RFX7: variants seen among roughly 807,000 people sequenced by gnomAD.
The protein encoded by RFX7 is DNA-binding protein RFX7.
In RFX7, 26 loss-of-function variants were observed where a neutral mutation model predicts 111.8. The observed-to-expected ratio is 0.23, with a 90% CI of 0.17 to 0.32. The LOEUF (loss-of-function observed/expected upper bound fraction) is 0.32, where lower values mean the gene tolerates loss of function less well. Ranked by LOEUF, RFX7 falls within the 10% of genes least tolerant of loss-of-function variation. The pLI is 1.00. For missense variants in RFX7, 1,573 were observed against 1,772.9 expected (o/e 0.89, Z 2.02); for synonymous variants, 624 against 624.4 (o/e 1.00, Z 0.01).
At chr15:56,171,782 T>C (rs2042847572) in intron 3 of RFX7, among the ~76,000 whole-genome samples, 1 of 152,174 alleles carries the variant, frequency 6.6e-6, no homozygotes, top group Non-Finnish European at 1.5e-5. Flanking sequence ...AGTTTGGCTC[T>C]GGAAAAGTTG....
rs776450590 is a variant in RFX7, at chr15:56,094,711, T to C, written c.3017A>G (p.His1006Arg). 1 of 1,613,918 alleles carries C rather than the reference T, an allele frequency of 6.2e-7. No homozygotes were observed. Among genetic ancestry groups the C allele is most frequent in the South Asian group, 1.1e-5 (1 of 91,078 alleles). ...SSRHTPIGTP[H>R]SNCSSSVPPS... ...GGGGACACTACTGCTGCAGTTAGAA[T>C]GTGGAGTACCAATGGGTGTATGTCG... The change falls in exon 10 of 10, where the codon CAT (histidine) becomes CGT (arginine). Residue 1006 changes from histidine to arginine, a missense_variant. His to Arg is a conservative substitution (Grantham distance 29, BLOSUM62 0). Around this residue, in one of 7 missense-constraint regions of RFX7, gnomAD observed 625 missense variants for 632.2 expected, o/e 0.99. Coordinates refer to ENST00000559447, the MANE Select transcript of RFX7 (RefSeq NM_022841.7).
intron 8 of RFX7, among the ~76,000 whole-genome samples, chr15:56,099,597 A>G (rs1364270235): frequency 6.6e-6 from 1 of 152,154 alleles, no homozygotes; most frequent in Non-Finnish European, 1.5e-5. Flanking sequence ...GGACATTTGT[A>G]ACACAACCTG....
intron 2 of RFX7, among the ~76,000 whole-genome samples, chr15:56,202,663 C>T (rs963853342): frequency 2.0e-5 from 3 of 152,064 alleles, no homozygotes; most frequent in Admixed American, 6.6e-5. Flanking sequence ...ATAAAATAAA[C>T]GAGCCAGGTG....
At chr15:56,108,770 GACA>G (rs1229068160) in intron 5 of RFX7, among the ~76,000 whole-genome samples, 1 of 152,132 alleles carries the variant, frequency 6.6e-6, no homozygotes, top group Non-Finnish European at 1.5e-5. Flanking sequence ...TCTGTCTGTA[GACA>G]ACATGATCCT....
chr15:56,098,000 CTTCTT>C, intron 9 of RFX7, 76 bp downstream of exon 9: 1 of 1,324,784 alleles, frequency 7.5e-7, no homozygotes, highest in Non-Finnish European at 1.1e-6. Flanking sequence ...TTATACCTGC[CTTCTT>C]TTCATCTGCC....
In RFX7 at chr15:56,135,164, G is replaced by C. The variant is rs1253168420; in HGVS notation, c.401+7614C>G. On this transcript the variant is annotated intron_variant, in intron 5 of 9. Transcript: ENST00000559447. ...ATGGCTGGGTCAAATGGTATTTCTA[G>C]TTCTAGATCCCTGAGGAATCGCCAT... Among the ~76,000 whole-genome samples, 6 of 152,260 alleles carry C rather than the reference G, an allele frequency of 3.9e-5. No homozygotes were observed. The East Asian group carries it at 1.2e-3, about 29-fold the overall frequency.
At chr15:56,125,754 G>A (rs192591462) in intron 5 of RFX7, among the ~76,000 whole-genome samples, 1 of 152,078 alleles carries the variant, frequency 6.6e-6, no homozygotes, top group Admixed American at 6.6e-5. Context: ...TTTACAAAAG[G>A]ATAGTAGGCA....
At chr15:56,189,037 T>C (rs1315562446) in intron 2 of RFX7, among the ~76,000 whole-genome samples, 1 of 152,122 alleles carries the variant, frequency 6.6e-6, no homozygotes, top group African/African-American at 2.4e-5. Flanking sequence ...CATGCTGGTC[T>C]TGAACTCCTG....
chr15:56,146,134 G>C (rs1232083841), intron 3 of RFX7, among the ~76,000 whole-genome samples: 2 of 151,846 alleles, frequency 1.3e-5, no homozygotes, highest in African/African-American at 2.4e-5. Flanking sequence ...GTCTCACTCT[G>C]TTGCCCAGAT....
chr15:56,196,615 C>G (rs968485284), intron 2 of RFX7, among the ~76,000 whole-genome samples: 2 of 151,954 alleles, frequency 1.3e-5, no homozygotes, highest in Non-Finnish European at 2.9e-5. Flanking sequence ...TCTGATGGAA[C>G]GGATACAGCA....
At chr15:56,225,559 C>T (rs1372878027) in intron 2 of RFX7, among the ~76,000 whole-genome samples, 1 of 152,152 alleles carries the variant, frequency 6.6e-6, no homozygotes, top group African/African-American at 2.4e-5. Context: ...AGGTAATTCA[C>T]AACATTTCAC....
chr15:56,095,896 G>A lies in RFX7; in HGVS notation c.1832C>T (p.Pro611Leu), dbSNP rs1163923795. 3 of 1,605,152 alleles carry A rather than the reference G, an allele frequency of 1.9e-6. No homozygotes were observed. The highest frequency in any genetic ancestry group is 2.5e-6 in the Non-Finnish European group (3 of 1,179,830). Reference protein sequence around the residue: ...KCKSRCNEMLPGTSTGNNQST... With the variant: ...KCKSRCNEMLLGTSTGNNQST... ...TTGATTATTGCCTGTTGACGTGCCTGGCAGCATTTCATTACAGCGACTTTT... is the reference window on the plus strand; with the variant it reads ...TTGATTATTGCCTGTTGACGTGCCTAGCAGCATTTCATTACAGCGACTTTT... Residue 611 changes from proline (P) to leucine (L), a missense_variant, in exon 10 of 10, where the codon CCA (proline) becomes CTA (leucine). This residue lies in a region of RFX7 where 625 missense variants were observed against 632.2 expected (regional missense o/e 0.99). Transcript: ENST00000559447.
chr15:56,239,837 T>C (rs1291699455), intron 2 of RFX7, among the ~76,000 whole-genome samples: 2 of 152,134 alleles, frequency 1.3e-5, no homozygotes, highest in African/African-American at 4.8e-5. Context: ...AGCAATTTTA[T>C]TCTATCAGGG....
rs1222496806 is a variant in RFX7 at position 56,133,574 on chromosome 15, T to C, written c.401+9204A>G. On this transcript the variant is annotated intron_variant, in intron 5 of 9. Transcript: ENST00000559447. ...AAGTTTTTGTTCGGGAAATTTCATT[T>C]AGGCACTCTAAACAGGATAATGAGT... Among the ~76,000 whole-genome samples the C allele has an allele frequency of 3.3e-5, 5 of 152,132 alleles. No homozygotes were observed. The East Asian group carries it at 9.6e-4, about 29-fold the overall frequency.
rs368744723 is a variant in RFX7, at chr15:56,103,708, T to A, written c.402-38A>T. The stretch of plus-strand genomic sequence containing the variant: ...GAAGGACCAATTTAGAGTGACAGAA[T>A]TCAGAATTATATCGCAGGGTGCTAT... On this transcript the variant is annotated intron_variant, in intron 5 of 9. Transcript: ENST00000559447. The A allele has an allele frequency of 3.7e-3, 4,557 of 1,245,040 alleles. 16 individuals carry two copies. Among genetic ancestry groups the A allele is most frequent in the Non-Finnish European group, 4.8e-3 (4,174 of 875,122 alleles). 77.1% of individuals were successfully genotyped at this position (1,245,040 alleles called of 1,614,324 possible).
chr15:56,208,709 A>G (rs72738664), intron 2 of RFX7, among the ~76,000 whole-genome samples: 19,774 of 152,182 alleles, frequency 0.13, 1,669 homozygotes, highest in East Asian at 0.44. Context: ...AATAGAAATT[A>G]TAAGAACTAA....
At chr15:56,243,983 G>C (rs1184244955), upstream of RFX7, 10 of 150,342 alleles carry the variant, frequency 6.7e-5, no homozygotes, top group African/African-American at 2.4e-4. Flanking sequence ...GGGGGCGCAC[G>C]GCGCGGAGGG....
At chr15:56,156,858 A>G (rs1365518936) in intron 3 of RFX7, among the ~76,000 whole-genome samples, 1 of 152,226 alleles carries the variant, frequency 6.6e-6, no homozygotes, top group Non-Finnish European at 1.5e-5. Flanking sequence ...GAGTAGCTCT[A>G]AAATTTTAAT....
intron 5 of RFX7, among the ~76,000 whole-genome samples, chr15:56,130,906 T>C (rs1202017503): frequency 1.3e-5 from 2 of 152,072 alleles, no homozygotes; most frequent in Non-Finnish European, 2.9e-5. Flanking sequence ...CTAACCAGTG[T>C]AAAACACAAA....
Sources: gnomAD v4.1 joint callset for allele counts (sites outside exome capture counted in the v4.1 genomes callset) on GRCh38, gnomAD v4.1.1 for gene constraint, gnomAD v4.1.1 regional missense constraint, MANE v1.5 for transcripts, NCBI Gene and HGNC (gene_info 2026-07-23, HGNC 2026-07-21) for gene names.